The following RUBCNL variants were observed in gnomAD, a reference collection of about 807,000 sequenced individuals.
RUBCNL encodes rubicon like autophagy enhancer, also known as protein associated with UVRAG as autophagy enhancer.
A neutral mutation model predicts 69.5 loss-of-function variants in RUBCNL; 62 were observed. The ratio of observed to expected loss-of-function variants is 0.89; its 90% CI spans 0.73 to 1.10. The LOEUF is 1.10. RUBCNL is among the 50% of genes least tolerant of loss of function. The pLI, the probability that RUBCNL is intolerant of heterozygous loss-of-function variation, is 0.00. For missense variants in RUBCNL, 768 were observed against 798.1 expected, an observed-to-expected ratio of 0.96 and a Z score of 0.45; for synonymous variants, 291 against 303.6, an observed-to-expected ratio of 0.96 and a Z score of 0.43.
chr13:46,362,103 G>A (rs1407808357), intron 7 of RUBCNL, among the ~76,000 whole-genome samples: 1 of 151,736 alleles, frequency 6.6e-6, no homozygotes, highest in Non-Finnish European at 1.5e-5. Flanking sequence ...CAGGTGTGGT[G>A]GCAGGTGCCT....
In RUBCNL at chr13:46,341,229, C is replaced by T. The variant is rs1054064731; in HGVS notation, c.*2156G>A. Among the ~76,000 whole-genome samples, 1 of 152,222 alleles carries T rather than the reference C, an allele frequency of 6.6e-6. No homozygotes were observed. Among genetic ancestry groups the T allele is most frequent in the Non-Finnish European group, 1.5e-5 (1 of 68,032 alleles). On this transcript the variant is annotated 3_prime_UTR_variant, in exon 15 of 15. Coordinates refer to ENST00000429979, the MANE Select transcript of RUBCNL (RefSeq NM_025113.5). ...ACCTTTACAGCACTGCAACTGATGC[C>T]TCACAGTGGGTAATGGTCTGACCAA...
rs562611040 is a variant in RUBCNL, at chr13:46,353,196, T to G, written c.1331-2845A>C. 2.6e-5 allele frequency among the ~76,000 whole-genome samples: 4 copies of G among 152,270 alleles called. No individual in the cohort carries two copies. The East Asian group carries it at 7.7e-4, about 29-fold the overall frequency. On this transcript the variant is annotated intron_variant, in intron 10 of 14. Coordinates refer to ENST00000429979, the MANE Select transcript of RUBCNL (RefSeq NM_025113.5). ...CCTCAGACCCAGGTCACACTCTGAG[T>G]TGATGTTTAAAAGCAAACAAATAAA...
chr13:46,337,797 T>C lies in RUBCNL; in HGVS notation c.*5588A>G, dbSNP rs536403363. On this transcript the variant is annotated 3_prime_UTR_variant, in exon 15 of 15. Transcript: ENST00000429979. ...AGGAACTGAACAAAATAAAGGTTTATTCTTGCTTGTAAAAAGTCCAATGCA... is the reference window on the plus strand; with the variant it reads ...AGGAACTGAACAAAATAAAGGTTTACTCTTGCTTGTAAAAAGTCCAATGCA... Among the ~76,000 whole-genome samples, 7 of 152,306 alleles carry C rather than the reference T, an allele frequency of 4.6e-5. No individual in the cohort carries two copies. The East Asian group carries it at 1.3e-3, about 29-fold the overall frequency.
rs1410453173 is a variant in RUBCNL at position 46,340,494 on chromosome 13, T to A, written c.*2891A>T. 6.6e-6 allele frequency among the ~76,000 whole-genome samples: 1 copy of A among 152,182 alleles called. No individual in the cohort carries two copies. Among genetic ancestry groups the A allele is most frequent in the African/African-American group, 2.4e-5 (1 of 41,446 alleles). ...CTTATCTCAACTGCAGAGAGTCATA[T>A]CCCTCATTTTACAAACAGAGGCTTA... On this transcript the variant is annotated 3_prime_UTR_variant, in exon 15 of 15. Transcript: ENST00000429979.
upstream of RUBCNL, chr13:46,387,652 G>GC: frequency 1.0e-6 from 1 of 985,642 alleles, no homozygotes; most frequent in South Asian, 4.7e-5. Flanking sequence ...GGATGAGTCG[G>GC]CCCTGAAATC....
intron 4 of RUBCNL, 167 bp from the exon 5 acceptor site, chr13:46,368,416 A>G (rs951604570): frequency 1.0e-6 from 1 of 980,264 alleles, no homozygotes; most frequent in Non-Finnish European, 1.2e-6. Flanking sequence ...TATAGCACAC[A>G]TTGTCCAGAG....
Position 46,372,643 on chromosome 13 carries a change from T to G in RUBCNL, c.-122-46A>C, listed in dbSNP as rs1049641717. 8 of 1,418,000 alleles carry G rather than the reference T, an allele frequency of 5.6e-6. No homozygotes were observed. The African/African-American group carries it at 1.2e-4, about 20-fold the overall frequency. 87.8% of individuals were successfully genotyped at this position (1,418,000 alleles called of 1,614,324 possible). ...TTCAAAATAAGTAAGAATTCAATTG[T>G]ATTTTGGCTACAAATTATTTTGAGA... On this transcript the variant is annotated intron_variant, in intron 2 of 14. Coordinates refer to ENST00000429979, the MANE Select transcript of RUBCNL (RefSeq NM_025113.5).
chr13:46,383,666 G>A (rs778899413), intron 1 of RUBCNL, among the ~76,000 whole-genome samples: 15 of 152,186 alleles, frequency 9.9e-5, no homozygotes, highest in Non-Finnish European at 2.1e-4. Context: ...GCTGGAGGAT[G>A]GGGGTAGGGT....
At chr13:46,344,895 T>C in intron 13 of RUBCNL, 64 bp from the exon 14 acceptor site, 1 of 1,020,192 alleles carries the variant, frequency 9.8e-7, no homozygotes. Context: ...TTTTCACTAT[T>C]ACAGAACTTT....
chr13:46,368,392 G>A lies in RUBCNL; in HGVS notation c.619-143C>T, dbSNP rs114164032. The A allele has an allele frequency of 5.1e-5, 73 of 1,419,596 alleles. 1 individual carries two copies. The African/African-American group carries it at 1.0e-3, about 20-fold the overall frequency. The allele number at this position is 1,419,596 out of a possible 1,614,324, so 87.9% of individuals were successfully genotyped here. On this transcript the variant is annotated intron_variant, in intron 4 of 14. Transcript: ENST00000429979. ...TATTCATTTAACTGAGTTATCATAG[G>A]TCACTCTATGACTTATAGCACACAT...
intron 8 of RUBCNL, 37 bp downstream of exon 8, chr13:46,361,404 A>C (rs1289371331): frequency 6.2e-7 from 1 of 1,609,656 alleles, no homozygotes; most frequent in Non-Finnish European, 8.5e-7. Flanking sequence ...AGGATTTAGG[A>C]ACTTTCAATT....
chr13:46,353,198 G>C (rs2048408983), intron 10 of RUBCNL, among the ~76,000 whole-genome samples: 1 of 152,198 alleles, frequency 6.6e-6, no homozygotes, highest in Non-Finnish European at 1.5e-5. Flanking sequence ...ACTCTGAGTT[G>C]ATGTTTAAAA....
chr13:46,366,761 T>A (rs2048766095), intron 5 of RUBCNL, among the ~76,000 whole-genome samples: 1 of 152,136 alleles, frequency 6.6e-6, no homozygotes, highest in Admixed American at 6.6e-5. Flanking sequence ...GATGGAGAGA[T>A]GACTAGTTTA....
At chr13:46,356,238 G>A (rs1464867154) in intron 10 of RUBCNL, among the ~76,000 whole-genome samples, 194 bp downstream of exon 10, 1 of 152,306 alleles carries the variant, frequency 6.6e-6, no homozygotes, top group African/African-American at 2.4e-5. Flanking sequence ...TGGTCCTGGT[G>A]TCCTCGGTCC....
At chr13:46,376,215 C>T (rs1229641581) in intron 2 of RUBCNL, among the ~76,000 whole-genome samples, 3 of 152,068 alleles carry the variant, frequency 2.0e-5, no homozygotes, top group Admixed American at 2.0e-4. Context: ...TTCAACTGCA[C>T]AGGGTGTTAG....
chr13:46,360,583 C>T (rs916625044), intron 8 of RUBCNL, among the ~76,000 whole-genome samples: 2 of 152,216 alleles, frequency 1.3e-5, no homozygotes. Context: ...TTTCTACCTG[C>T]CACAGTTCTG....
At position 46,335,860 on chromosome 13, in the gene RUBCNL, A is replaced by C. The variant is rs987371124; in HGVS notation, c.*7525T>G. ...TGTAAAGAAATACTAATACAAGCAC[A>C]GCTATCAGTGGGCTGCTGAGTACCA... On this transcript the variant is annotated 3_prime_UTR_variant, in exon 15 of 15. Transcript: ENST00000429979. 1.3e-5 allele frequency among the ~76,000 whole-genome samples: 2 copies of C among 152,228 alleles called. No individual in the cohort carries two copies. Among genetic ancestry groups the C allele is most frequent in the African/African-American group, 4.8e-5 (2 of 41,460 alleles).
rs2048343950 is a variant in RUBCNL, at chr13:46,350,314, C to T, written c.1368G>A (p.Gly456=). The part of the protein sequence containing the change: ...VKRLRYCEYL[G]KYFCDCCHSY... ...AGTGGCAGCAGTCACAGAAATACTT[C>T]CCTAGGTATTCGCAGTACCGGAGCC... Residue 456 remains glycine, a synonymous_variant, in exon 11 of 15, where the codon GGG becomes GGA. Transcript: ENST00000429979. The T allele has an allele frequency of 6.4e-7, 1 of 1,567,172 alleles. No homozygotes were observed.
At chr13:46,364,820 T>C (rs1226881221) in intron 5 of RUBCNL, among the ~76,000 whole-genome samples, 2 of 151,896 alleles carry the variant, frequency 1.3e-5, no homozygotes, top group Non-Finnish European at 2.9e-5. Context: ...AAGATAAATA[T>C]TTATATTTGG....
Sources: gnomAD v4.1 joint callset for allele counts (sites outside exome capture counted in the v4.1 genomes callset) on GRCh38, gnomAD v4.1.1 for gene constraint, MANE v1.5 for transcripts, NCBI Gene and HGNC (gene_info 2026-07-23, HGNC 2026-07-21) for gene names.